Variants in SUGCT observed in about 807,000 individuals in gnomAD.
SUGCT encodes the protein succinyl-CoA:glutarate CoA-transferase.
A neutral mutation model predicts 55.0 loss-of-function variants in SUGCT; 41 were observed. That is an observed-to-expected ratio of 0.74 (90% CI 0.58 to 0.97). The LOEUF is 0.97. Ranked by LOEUF, SUGCT falls within the 50% of genes least tolerant of loss-of-function variation. The pLI, the probability that SUGCT is intolerant of heterozygous loss-of-function variation, is 0.00. For missense variants in SUGCT, 568 were observed against 547.8 expected, an observed-to-expected ratio of 1.04 and a Z score of -0.37; for synonymous variants, 187 against 200.4, an observed-to-expected ratio of 0.93 and a Z score of 0.56.
chr7:40,404,668 C>T (rs932354307), intron 9 of SUGCT, among the ~76,000 whole-genome samples: 1 of 152,136 alleles, frequency 6.6e-6, no homozygotes, highest in African/African-American at 2.4e-5. Flanking sequence ...AACCCCTGAC[C>T]TCAAGTGATC....
intron 12 of SUGCT, among the ~76,000 whole-genome samples, chr7:40,516,533 AG>A (rs1793241395): frequency 6.6e-6 from 1 of 152,126 alleles, no homozygotes; most frequent in Non-Finnish European, 1.5e-5. Context: ...GGTATGAGGT[AG>A]GAGTCTAATT....
At chr7:40,664,258 G>A (rs540986806) in intron 12 of SUGCT, among the ~76,000 whole-genome samples, 1 of 152,304 alleles carries the variant, frequency 6.6e-6, no homozygotes, top group South Asian at 2.1e-4. Context: ...CTATGAATTG[G>A]AATCTGTAGT....
At chr7:40,969,496 G>T in the SUGCT span, among the ~76,000 whole-genome samples, 1 of 152,100 alleles carries the variant, frequency 6.6e-6, no homozygotes, top group Non-Finnish European at 1.5e-5. Flanking sequence ...GAGTAGCTAG[G>T]ACCATACCAT....
chr7:40,368,379 A>T (rs1286025689), intron 9 of SUGCT, among the ~76,000 whole-genome samples: 2 of 151,880 alleles, frequency 1.3e-5, no homozygotes, highest in Admixed American at 1.3e-4. Flanking sequence ...TTGTATTTTT[A>T]GTAGAGATGT....
intron 13 of SUGCT, among the ~76,000 whole-genome samples, chr7:40,813,712 T>C (rs957211014): frequency 2.8e-4 from 42 of 152,186 alleles, no homozygotes; most frequent in African/African-American, 9.4e-4. Context: ...ATTTAGACCA[T>C]TTACATTCTA....
At chr7:40,690,135 G>A (rs573485305) in intron 12 of SUGCT, among the ~76,000 whole-genome samples, 2 of 152,240 alleles carry the variant, frequency 1.3e-5, no homozygotes, top group South Asian at 2.1e-4. Context: ...GCCCCTTATT[G>A]TTGAGTCCAA....
the SUGCT span, among the ~76,000 whole-genome samples, chr7:40,955,561 C>A: frequency 6.6e-6 from 1 of 152,122 alleles, no homozygotes; most frequent in Non-Finnish European, 1.5e-5. Flanking sequence ...TCTAAATATA[C>A]AATCATGTCA....
chr7:40,395,948 A>G (rs1306709443), intron 9 of SUGCT, among the ~76,000 whole-genome samples: 2 of 152,198 alleles, frequency 1.3e-5, no homozygotes, highest in Non-Finnish European at 2.9e-5. Flanking sequence ...TTTAAGAGAC[A>G]CCTTGAATTT....
At chr7:40,524,555 CTCT>C (rs1045988736) in intron 12 of SUGCT, among the ~76,000 whole-genome samples, 41 of 152,118 alleles carry the variant, frequency 2.7e-4, no homozygotes, top group African/African-American at 9.6e-4. Flanking sequence ...GTTCTTCCTC[CTCT>C]TCTTCTTTGC....
chr7:40,578,997 C>G (rs1256275355), intron 12 of SUGCT, among the ~76,000 whole-genome samples: 1 of 152,152 alleles, frequency 6.6e-6, no homozygotes, highest in Non-Finnish European at 1.5e-5. Flanking sequence ...TAATTCATGC[C>G]TGCAATGTAT....
At chr7:40,725,474 T>G (rs1786565102) in intron 12 of SUGCT, among the ~76,000 whole-genome samples, 1 of 150,350 alleles carries the variant, frequency 6.7e-6, no homozygotes, top group Non-Finnish European at 1.5e-5. Context: ...ATATTTCCTT[T>G]TAAAGTTTCT....
At chr7:40,905,848 A>T in the SUGCT span, among the ~76,000 whole-genome samples, 1 of 151,940 alleles carries the variant, frequency 6.6e-6, no homozygotes, top group South Asian at 2.1e-4. Context: ...CCTCCCAAGT[A>T]GTTGGGACCC....
At chr7:40,660,718 C>T (rs1801260192) in intron 12 of SUGCT, among the ~76,000 whole-genome samples, 2 of 152,182 alleles carry the variant, frequency 1.3e-5, no homozygotes, top group African/African-American at 4.8e-5. Context: ...CAGAGTTGTG[C>T]CACCTCAGAA....
At chr7:40,518,066 G>A (rs1793343173) in intron 12 of SUGCT, among the ~76,000 whole-genome samples, 1 of 152,124 alleles carries the variant, frequency 6.6e-6, no homozygotes, top group South Asian at 2.1e-4. Context: ...ATATGGTACT[G>A]TGGTGGTGGA....
chr7:40,898,027 T>G, the SUGCT span, among the ~76,000 whole-genome samples: 1 of 152,134 alleles, frequency 6.6e-6, no homozygotes, highest in Admixed American at 6.5e-5. Context: ...GGTGTGTTCT[T>G]TCGCTTTTCA....
At chr7:40,832,335 G>T (rs1048883760) in intron 13 of SUGCT, among the ~76,000 whole-genome samples, 5 of 152,162 alleles carry the variant, frequency 3.3e-5, no homozygotes, top group African/African-American at 1.2e-4. Flanking sequence ...CAGGGTCATT[G>T]TGAGTATCAT....
the SUGCT span, among the ~76,000 whole-genome samples, chr7:41,027,700 G>A: frequency 6.6e-6 from 1 of 152,128 alleles, no homozygotes. Flanking sequence ...GTTGTCTCAT[G>A]TAAAAAAGTC....
intron 12 of SUGCT, among the ~76,000 whole-genome samples, chr7:40,536,029 C>G (rs779695421): frequency 2.6e-5 from 4 of 151,956 alleles, no homozygotes; most frequent in Admixed American, 6.6e-5. Context: ...TTGTTTTTTG[C>G]TTGTTGAGTT....
intron 1 of SUGCT, among the ~76,000 whole-genome samples, chr7:40,148,434 C>T (rs1051673738): frequency 2.0e-5 from 3 of 151,966 alleles, no homozygotes; most frequent in African/African-American, 7.3e-5. Context: ...CACCTGAGGT[C>T]GAGAGTTGGA....
Sources: allele counts gnomAD v4.1 joint callset (sites outside exome capture counted in the v4.1 genomes callset), GRCh38; gene constraint gnomAD v4.1.1; transcripts MANE v1.5; gene names NCBI Gene and HGNC (gene_info 2026-07-23, HGNC 2026-07-21).